NEB: variants seen among roughly 807,000 people sequenced by gnomAD.
NEB encodes nebulin, also known as nemaline myopathy type 2.
Under a neutral mutation model 952.2 loss-of-function variants are expected in NEB, and 512 were observed. The ratio of observed to expected loss-of-function variants is 0.54; its 90% CI spans 0.50 to 0.58. The LOEUF (loss-of-function observed/expected upper bound fraction) is 0.58. NEB is among the 20% of genes least tolerant of loss of function. NEB has a pLI of 0.00. For missense variants in NEB, 8,428 were observed against 9,231.1 expected, an observed-to-expected ratio of 0.91 and a Z score of 3.56; for synonymous variants, 2,900 against 3,149.8, an observed-to-expected ratio of 0.92 and a Z score of 2.66.
chr2:151,521,714 C>T (rs2082112413), intron 153 of NEB, among the ~76,000 whole-genome samples: 1 of 152,174 alleles, frequency 6.6e-6, no homozygotes, highest in South Asian at 2.1e-4. Flanking sequence ...GATTCCACTT[C>T]AGTTTCTTTT....
At position 151,643,937 on chromosome 2, in the gene NEB, T is replaced by G. The variant is rs1266884609; in HGVS notation, c.7837A>C (p.Lys2613Gln). The change falls in exon 57 of 182, where the codon AAG (lysine) becomes CAG (glutamine). Residue 2613 changes from lysine (K) to glutamine (Q), a missense_variant. Transcript: ENST00000397345. ...TCGCTGACTAAGGTCTGGCACTTCTTGGCCAACACCACCCCCAGCATGTCC... is the reference window on the plus strand; with the variant it reads ...TCGCTGACTAAGGTCTGGCACTTCTGGGCCAACACCACCCCCAGCATGTCC... The part of the protein sequence containing the change: ...PVDMLGVVLA[K>Q]KCQTLVSDVD... 3.1e-5 allele frequency: 50 copies of G among 1,613,816 alleles called. No individual in the cohort carries two copies. The highest frequency in any genetic ancestry group is 4.2e-5 in the Non-Finnish European group (49 of 1,179,832).
At chr2:151,725,407 T>A (rs1258926110) in intron 6 of NEB, 46 bp downstream of exon 6, 3 of 1,453,638 alleles carry the variant, frequency 2.1e-6, no homozygotes, top group Non-Finnish European at 2.9e-6. Flanking sequence ...CAGCAGTAGG[T>A]GTATTTTGAA....
In NEB at chr2:151,675,292, T is replaced by C. The variant is rs1553521537; in HGVS notation, c.3874A>G (p.Ser1292Gly). Residue 1292 changes from serine to glycine, a missense_variant, in exon 35 of 182, where the codon AGT becomes GGT. Coordinates refer to ENST00000397345, the MANE Select transcript of NEB (RefSeq NM_001164508.2). ...LQAKCNAYNISDVCYKRDWYD... is the reference protein window; with the variant it reads ...LQAKCNAYNIGDVCYKRDWYD... ...CCAGCAAAGACCCTACTTACGTCACTTATATTGTAAGCATTGCACTTGGCC... is the reference window on the plus strand; with the variant it reads ...CCAGCAAAGACCCTACTTACGTCACCTATATTGTAAGCATTGCACTTGGCC... 1.3e-6 allele frequency: 2 copies of C among 1,573,466 alleles called. No individual in the cohort carries two copies. Among genetic ancestry groups the C allele is most frequent in the Non-Finnish European group, 1.7e-6 (2 of 1,152,484 alleles).
intron 164 of NEB, 133 bp downstream of exon 164, chr2:151,506,033 G>A: frequency 1.3e-6 from 1 of 788,804 alleles, no homozygotes; most frequent in South Asian, 1.5e-5. Context: ...ACTGTGTGGT[G>A]GTGGTACACA....
rs573220419 is a variant in NEB at position 151,694,187 on chromosome 2, C to T, written c.1896+136G>A. ...TAAGGAAGTTCATCTTCCTTTAGCA[C>T]CTGGGTGAAGCTTTCATGTGTGATT... On this transcript the variant is annotated intron_variant, in intron 20 of 181. Coordinates refer to ENST00000397345, the MANE Select transcript of NEB (RefSeq NM_001164508.2). The T allele has an allele frequency of 1.8e-5, 14 of 779,246 alleles. 1 individual carries two copies. The South Asian group carries it at 2.5e-4, about 14-fold the overall frequency. 48.3% of individuals were successfully genotyped at this position (779,246 alleles called of 1,614,324 possible).
At chr2:151,698,902 G>A (rs2099622397) in intron 13 of NEB, among the ~76,000 whole-genome samples, 1 of 147,840 alleles carries the variant, frequency 6.8e-6, no homozygotes, top group African/African-American at 2.5e-5. Flanking sequence ...AAGTTTTAGG[G>A]TACATGTGCA....
chr2:151,625,712 T>A, intron 70 of NEB, 74 bp from the exon 71 acceptor site: 1 of 987,354 alleles, frequency 1.0e-6, no homozygotes, highest in Non-Finnish European at 1.4e-6. Context: ...TAAGACACCA[T>A]GACAAAGTTG....
intron 29 of NEB, among the ~76,000 whole-genome samples, chr2:151,681,474 C>T (rs1256828970): frequency 1.3e-5 from 2 of 152,190 alleles, no homozygotes; most frequent in Non-Finnish European, 2.9e-5. Flanking sequence ...TATTTATTTT[C>T]CCAGTCCTCT....
At chr2:151,546,284 TG>T in intron 134 of NEB, 60 bp downstream of exon 134, 1 of 1,327,922 alleles carries the variant, frequency 7.5e-7, no homozygotes, top group Non-Finnish European at 1.1e-6. Flanking sequence ...CCCTGGAGGC[TG>T]GTGATGGGGG....
Position 151,561,068 on chromosome 2 carries a change from T to C in NEB, c.19142A>G (p.Tyr6381Cys), listed in dbSNP as rs749185577. ...ATCCACTGTTTCTAGAACTGTTGTG[T>C]ATTTGTCCTTAATCTGATGATAATT... ...KENYHQIKDK[Y>C]TTVLETVDYD... The change falls in exon 123 of 182, where the codon TAC becomes TGC. Residue 6381 changes from tyrosine (Y) to cysteine (C), a missense_variant. By Grantham distance (194) the Tyr-to-Cys change is radical (BLOSUM62 -2). This residue lies in a region of NEB where 3,374 missense variants were observed against 3,651.5 expected (regional missense o/e 0.92). Coordinates refer to ENST00000397345, the MANE Select transcript of NEB (RefSeq NM_001164508.2). The C allele has an allele frequency of 6.2e-7, 1 of 1,606,198 alleles. No individual in the cohort carries two copies. Among genetic ancestry groups the C allele is most frequent in the African/African-American group, 1.3e-5 (1 of 74,626 alleles).
chr2:151,512,316 G>A (rs913839358), intron 161 of NEB, among the ~76,000 whole-genome samples: 9 of 151,750 alleles, frequency 5.9e-5, no homozygotes, highest in Admixed American at 1.3e-4. Context: ...ATACAGGCAT[G>A]AGCCACCATG....
intron 162 of NEB, 66 bp from the exon 163 acceptor site, chr2:151,507,079 TATTATGTGAA>T: frequency 1.0e-6 from 1 of 997,958 alleles, no homozygotes; most frequent in South Asian, 1.4e-5. Context: ...ATTTGTCCTA[TATTATGTGAA>T]GAAAATTAAA....
intron 27 of NEB, among the ~76,000 whole-genome samples, chr2:151,685,293 T>A (rs1331905982): frequency 6.6e-6 from 1 of 152,214 alleles, no homozygotes; most frequent in Non-Finnish European, 1.5e-5. Context: ...GTGTTACTAT[T>A]ATTCATGTAA....
chr2:151,676,391 T>C (rs2099359632), intron 34 of NEB, among the ~76,000 whole-genome samples: 1 of 152,178 alleles, frequency 6.6e-6, no homozygotes, highest in Non-Finnish European at 1.5e-5. Flanking sequence ...TAATTCATCT[T>C]CTCACCTCCA....
In NEB at chr2:151,570,521, C is replaced by A; in HGVS notation, c.17094G>T (p.Lys5698Asn). The stretch of plus-strand genomic sequence containing the variant: ...CGTCACTGGCAATCTCCCTGGAGGC[C>A]TTGGCAGCCTGGATGGGGATGGCAT... ...RLDAIPIQAA[K>N]ASREIASDYK... Residue 5698 changes from lysine to asparagine, a missense_variant, in exon 108 of 182, where the codon AAG becomes AAT. Lys to Asn is a moderately conservative substitution (Grantham distance 94). Transcript: ENST00000397345. 1 of 1,611,724 alleles carries A rather than the reference C, an allele frequency of 6.2e-7. No homozygotes were observed. Among genetic ancestry groups the A allele is most frequent in the South Asian group, 1.1e-5 (1 of 90,466 alleles).
In NEB at chr2:151,496,957, T is replaced by C; in HGVS notation, c.24377A>G (p.Gln8126Arg). Residue 8126 changes from glutamine (Q) to arginine (R), a missense_variant, in exon 172 of 182, where the codon CAA becomes CGA. By Grantham distance (43) the Gln-to-Arg change is conservative. This residue lies in a region of NEB where 3,374 missense variants were observed against 3,651.5 expected (regional missense o/e 0.92). Coordinates refer to ENST00000397345, the MANE Select transcript of NEB (RefSeq NM_001164508.2). ...TPEMERVKHN[Q>R]ENISSVLYKE... The stretch of plus-strand genomic sequence containing the variant: ...CCCAAGTACCGAGCTAATATTTTCT[T>C]GATTGTGTTTGACTCTCTCCATCTC... The C allele has an allele frequency of 6.3e-7, 1 of 1,577,026 alleles. No homozygotes were observed. The highest frequency in any genetic ancestry group is 8.6e-7 in the Non-Finnish European group (1 of 1,158,966).
chr2:151,693,497 G>T (rs2099574098), intron 20 of NEB, among the ~76,000 whole-genome samples: 1 of 144,570 alleles, frequency 6.9e-6, no homozygotes, highest in South Asian at 2.1e-4. Flanking sequence ...ACTCCCACTT[G>T]TAAGTAAGAA....
chr2:151,682,430 T>A (rs1229097384), intron 29 of NEB, among the ~76,000 whole-genome samples: 1 of 152,236 alleles, frequency 6.6e-6, no homozygotes, highest in Non-Finnish European at 1.5e-5. Context: ...GGTTAACAAG[T>A]TATACCTTAA....
At chr2:151,718,188 C>G (rs1170756164) in intron 9 of NEB, among the ~76,000 whole-genome samples, 2 of 152,088 alleles carry the variant, frequency 1.3e-5, no homozygotes, top group Non-Finnish European at 2.9e-5. Context: ...ATGCTGAATG[C>G]CACAGAAGAA....
Sources: allele counts gnomAD v4.1 joint callset (sites outside exome capture counted in the v4.1 genomes callset), GRCh38; gene constraint gnomAD v4.1.1; regional missense constraint gnomAD v4.1.1; transcripts MANE v1.5; gene names NCBI Gene and HGNC (gene_info 2026-07-23, HGNC 2026-07-21).